OSBPL9: variants seen among roughly 807,000 people sequenced by gnomAD.
OSBPL9 encodes the protein oxysterol binding protein like 9.
A neutral mutation model predicts 106.6 loss-of-function variants in OSBPL9; 40 were observed. The observed-to-expected ratio is 0.38, with a 90% confidence interval of 0.29 to 0.49. OSBPL9 has a LOEUF of 0.49. OSBPL9 is among the 20% of genes least tolerant of loss of function. The probability of loss-of-function intolerance (pLI) is 0.97; values close to 1 mark genes in which losing one functional copy is unlikely to be tolerated. For synonymous variants in OSBPL9, 269 were observed against 295.4 expected, an observed-to-expected ratio of 0.91 and a Z score of 0.92; for missense variants, 609 against 887.2, an observed-to-expected ratio of 0.69 and a Z score of 3.98.
intron 2 of OSBPL9, among the ~76,000 whole-genome samples, chr1:51,599,293 T>C (rs1645316707): frequency 6.6e-6 from 1 of 152,150 alleles, no homozygotes. Flanking sequence ...TTGTGAGAAA[T>C]TGTATTATGT....
chr1:51,600,793 C>T (rs1645322438), intron 2 of OSBPL9, among the ~76,000 whole-genome samples: 3 of 152,174 alleles, frequency 2.0e-5, no homozygotes, highest in Admixed American at 2.0e-4. Flanking sequence ...AACTAGAGCA[C>T]TTGGCACAGA....
chr1:51,673,886 A>C (rs553567880), intron 3 of OSBPL9, among the ~76,000 whole-genome samples: 1 of 147,576 alleles, frequency 6.8e-6, no homozygotes, highest in South Asian at 2.1e-4. Flanking sequence ...GTCTCTAAAA[A>C]AGTTTTTTTT....
chr1:51,663,424 G>C (rs1275934083), intron 2 of OSBPL9, among the ~76,000 whole-genome samples: 4 of 152,060 alleles, frequency 2.6e-5, no homozygotes, highest in Non-Finnish European at 5.9e-5. Context: ...TAGAAATGGT[G>C]ATTTGCTTTC....
chr1:51,602,391 C>T (rs1306806122), intron 2 of OSBPL9, among the ~76,000 whole-genome samples: 3 of 150,330 alleles, frequency 2.0e-5, no homozygotes, highest in Non-Finnish European at 3.0e-5. Context: ...TTTCATAATC[C>T]GTCTCGTTCA....
intron 3 of OSBPL9, among the ~76,000 whole-genome samples, chr1:51,683,177 G>A (rs1652975762): frequency 6.6e-6 from 1 of 151,298 alleles, no homozygotes; most frequent in East Asian, 2.0e-4. Flanking sequence ...GCCCAGTTGA[G>A]ACCAGGTTTT....
At chr1:51,706,768 CAT>C (rs1411774360) in intron 3 of OSBPL9, among the ~76,000 whole-genome samples, 2 of 151,664 alleles carry the variant, frequency 1.3e-5, no homozygotes, top group Admixed American at 6.6e-5. Flanking sequence ...ATCCATATAT[CAT>C]ATTTTCATTT....
rs951660279 is a variant in OSBPL9 at position 51,788,845 on chromosome 1, T to G, written c.*1056T>G. ...GAAGGGAAATACAGAACTATATCTA[T>G]CTATCTATCTATCATCTTTTTTATT... On this transcript the variant is annotated 3_prime_UTR_variant, in exon 24 of 24. Transcript: ENST00000428468. Among the ~76,000 whole-genome samples the G allele has an allele frequency of 1.3e-5, 2 of 148,276 alleles. No individual in the cohort carries two copies. Among genetic ancestry groups the G allele is most frequent in the Admixed American group, 1.3e-4 (2 of 15,172 alleles).
At chr1:51,555,549 A>G in the OSBPL9 span, among the ~76,000 whole-genome samples, 1 of 152,036 alleles carries the variant, frequency 6.6e-6, no homozygotes, top group Non-Finnish European at 1.5e-5. Flanking sequence ...ATGCAAGCAG[A>G]ATTTAAGATT....
intron 2 of OSBPL9, among the ~76,000 whole-genome samples, chr1:51,606,798 C>T (rs1019989040): frequency 6.6e-6 from 1 of 152,136 alleles, no homozygotes; most frequent in Non-Finnish European, 1.5e-5. Flanking sequence ...CCTGTAATCT[C>T]AGCACTTTGG....
chr1:51,543,898 A>G, the OSBPL9 span, among the ~76,000 whole-genome samples: 1 of 152,232 alleles, frequency 6.6e-6, no homozygotes, highest in Non-Finnish European at 1.5e-5. Flanking sequence ...CCCACTCATT[A>G]TTCTCAAGAA....
the OSBPL9 span, among the ~76,000 whole-genome samples, chr1:51,543,481 C>A: frequency 3.9e-5 from 6 of 152,158 alleles, no homozygotes; most frequent in Non-Finnish European, 8.8e-5. Flanking sequence ...CTGCAACCTT[C>A]ACCTCCTGGG....
intron 1 of OSBPL9, chr1:51,583,064 G>A (rs573601463): frequency 6.6e-6 from 1 of 152,060 alleles, no homozygotes; most frequent in South Asian, 2.1e-4. Context: ...ACTCCAGCCT[G>A]GGTGACAAAG....
intron 3 of OSBPL9, among the ~76,000 whole-genome samples, chr1:51,698,725 C>T (rs1383410522): frequency 1.3e-5 from 2 of 152,126 alleles, no homozygotes; most frequent in Non-Finnish European, 2.9e-5. Flanking sequence ...TGATAAAATA[C>T]TGTAGTACTC....
At chr1:51,532,332 G>C in the OSBPL9 span, among the ~76,000 whole-genome samples, 1 of 152,162 alleles carries the variant, frequency 6.6e-6, no homozygotes, top group African/African-American at 2.4e-5. Flanking sequence ...TGATCTGGTA[G>C]AAGAGGAATC....
chr1:51,634,622 C>A lies in OSBPL9; in HGVS notation c.112-17369C>A, dbSNP rs368399452. 7.2e-5 allele frequency among the ~76,000 whole-genome samples: 11 copies of A among 152,178 alleles called. No individual in the cohort carries two copies. In the East Asian group the frequency reaches 1.9e-3, roughly 27 times the overall value. On this transcript the variant is annotated intron_variant, in intron 1 of 23. Transcript: ENST00000428468. The stretch of plus-strand genomic sequence containing the variant: ...AGGCCAACTGAAGTTTTATACCATG[C>A]AGAAAGGAATAGAGGGTTAAGGGTA...
intron 4 of OSBPL9, among the ~76,000 whole-genome samples, chr1:51,734,083 G>C (rs1665102685): frequency 6.6e-6 from 1 of 152,146 alleles, no homozygotes; most frequent in African/African-American, 2.4e-5. Flanking sequence ...GGCCATAATA[G>C]ACATTAAATA....
intron 18 of OSBPL9, 87 bp from the exon 19 acceptor site, chr1:51,784,177 G>A (rs1459005295): frequency 6.9e-7 from 1 of 1,457,182 alleles, no homozygotes; most frequent in Non-Finnish European, 9.6e-7. Flanking sequence ...ATTGAATGGA[G>A]TATCCTGGAG....
the OSBPL9 span, chr1:51,519,431 C>T: frequency 5.4e-6 from 1 of 185,506 alleles, no homozygotes. Context: ...CCGGCCGCGG[C>T]GCCGCCCAAA....
chr1:51,571,254 A>C, the OSBPL9 span, among the ~76,000 whole-genome samples: 4 of 152,222 alleles, frequency 2.6e-5, no homozygotes, highest in African/African-American at 9.6e-5. Flanking sequence ...GTATGTGTTA[A>C]ATTACACAGA....
Sources: allele counts gnomAD v4.1 joint callset (sites outside exome capture counted in the v4.1 genomes callset), GRCh38; gene constraint gnomAD v4.1.1; transcripts MANE v1.5; gene names NCBI Gene and HGNC (gene_info 2026-07-23, HGNC 2026-07-21).